Variants in XPR1 observed in about 807,000 individuals in gnomAD.
XPR1 encodes the protein solute carrier family 53 member 1.
A neutral mutation model predicts 87.5 loss-of-function variants in XPR1; 28 were observed. The ratio of observed to expected loss-of-function variants is 0.32; its 90% CI spans 0.24 to 0.44. XPR1 has a LOEUF of 0.44. XPR1 is among the 20% of genes least tolerant of loss of function. XPR1 has a pLI of 1.00. For synonymous variants in XPR1, 300 were observed against 306.1 expected, an observed-to-expected ratio of 0.98 and a Z score of 0.21; for missense variants, 559 against 862.3, an observed-to-expected ratio of 0.65 and a Z score of 4.41.
intron 2 of XPR1, among the ~76,000 whole-genome samples, chr1:180,686,204 T>A (rs1656771178): frequency 6.6e-6 from 1 of 152,214 alleles, no homozygotes; most frequent in South Asian, 2.1e-4. Flanking sequence ...TCTCGCTGGT[T>A]TCAAAGAACA....
At chr1:180,853,923 A>C (rs1344517849) in intron 11 of XPR1, among the ~76,000 whole-genome samples, 2 of 151,698 alleles carry the variant, frequency 1.3e-5, no homozygotes, top group East Asian at 3.9e-4. Context: ...AAACAGCTAT[A>C]GGAATCATTA....
Position 180,863,886 on chromosome 1 carries a change from G to T in XPR1, c.1668+12G>T, listed in dbSNP as rs1300896941. The T allele has an allele frequency of 6.4e-7, 1 of 1,565,422 alleles. No homozygotes were observed. The highest frequency in any genetic ancestry group is 1.4e-5 in the African/African-American group (1 of 73,088). On this transcript the variant is annotated intron_variant, in intron 12 of 14. Transcript: ENST00000367590. ...TATACCCCCAAAAAGTATGTATAAA[G>T]AGTGTGTTTGTTTAAAAGAACAAAC...
chr1:180,848,322 A>G (rs956735645), intron 11 of XPR1, among the ~76,000 whole-genome samples: 9 of 152,032 alleles, frequency 5.9e-5, no homozygotes, highest in Non-Finnish European at 8.8e-5. Flanking sequence ...TCTCTCCCCT[A>G]TGCTTCCCAG....
intron 2 of XPR1, among the ~76,000 whole-genome samples, chr1:180,707,931 A>T (rs1278316523): frequency 6.6e-6 from 1 of 152,100 alleles, no homozygotes; most frequent in Non-Finnish European, 1.5e-5. Flanking sequence ...TGATGTGAGG[A>T]TGATGGCAGT....
At chr1:180,817,011 C>T (rs936703136) in intron 7 of XPR1, among the ~76,000 whole-genome samples, 1 of 151,918 alleles carries the variant, frequency 6.6e-6, no homozygotes, top group Non-Finnish European at 1.5e-5. Context: ...AGGTGGAAGA[C>T]AGTGATATTG....
At chr1:180,680,643 G>A (rs1348650302) in intron 1 of XPR1, among the ~76,000 whole-genome samples, 1 of 152,132 alleles carries the variant, frequency 6.6e-6, no homozygotes, top group Admixed American at 6.5e-5. Context: ...GATTGCAGGC[G>A]TGAGCACTGC....
chr1:180,708,415 C>T (rs1287599578), intron 2 of XPR1, among the ~76,000 whole-genome samples: 3 of 152,060 alleles, frequency 2.0e-5, no homozygotes, highest in African/African-American at 4.8e-5. Flanking sequence ...ACATTATGAA[C>T]GTACTTAATG....
At chr1:180,777,494 C>T (rs1023442773) in intron 2 of XPR1, among the ~76,000 whole-genome samples, 6 of 152,128 alleles carry the variant, frequency 3.9e-5, no homozygotes, top group East Asian at 1.9e-4. Context: ...TTTTGCTTAT[C>T]GCTGTATCCC....
At chr1:180,778,771 G>A (rs953667896) in intron 2 of XPR1, among the ~76,000 whole-genome samples, 1 of 152,102 alleles carries the variant, frequency 6.6e-6, no homozygotes, top group Non-Finnish European at 1.5e-5. Flanking sequence ...TTTATTTGAG[G>A]ATAGAATATT....
chr1:180,797,197 T>C (rs1649616531), intron 3 of XPR1, among the ~76,000 whole-genome samples: 1 of 152,190 alleles, frequency 6.6e-6, no homozygotes, highest in Non-Finnish European at 1.5e-5. Context: ...TTAAAATAAA[T>C]TTTCATTATA....
At chr1:180,690,937 T>C (rs1023164530) in intron 2 of XPR1, among the ~76,000 whole-genome samples, 2 of 151,864 alleles carry the variant, frequency 1.3e-5, no homozygotes, top group African/African-American at 4.8e-5. Flanking sequence ...TTTTAAAAAT[T>C]TTTCAAATTC....
rs181703694 is a variant in XPR1 at position 180,825,577 on chromosome 1, G to A, written c.1134+233G>A. Among the ~76,000 whole-genome samples the A allele has an allele frequency of 3.0e-3, 459 of 152,156 alleles. 4 individuals are homozygous for A. Among genetic ancestry groups the A allele is most frequent in the Middle Eastern group, 0.027 (8 of 294 alleles). ...GTAAATTATAAACATTTTTTACTTC[G>A]TTTAACTAGCTGTGATAAGATGTAG... On this transcript the variant is annotated intron_variant, in intron 9 of 14. Coordinates refer to ENST00000367590, the MANE Select transcript of XPR1 (RefSeq NM_004736.4).
intron 1 of XPR1, among the ~76,000 whole-genome samples, chr1:180,646,261 C>T (rs574934882): frequency 2.0e-5 from 3 of 152,202 alleles, no homozygotes; most frequent in Non-Finnish European, 2.9e-5. Context: ...GCAGCAGACA[C>T]GATCAACTCT....
chr1:180,804,818 T>G (rs1221402028), intron 4 of XPR1, among the ~76,000 whole-genome samples: 2 of 152,162 alleles, frequency 1.3e-5, no homozygotes, highest in Non-Finnish European at 2.9e-5. Flanking sequence ...TAAATTCCTT[T>G]GCTTTGAGAT....
At chr1:180,849,143 G>T (rs1027148953) in intron 11 of XPR1, among the ~76,000 whole-genome samples, 2 of 152,098 alleles carry the variant, frequency 1.3e-5, no homozygotes, top group Admixed American at 1.3e-4. Context: ...ACTTTCTAAG[G>T]CCCCTTTAGC....
chr1:180,639,500 A>T (rs1654898158), intron 1 of XPR1, among the ~76,000 whole-genome samples: 1 of 152,204 alleles, frequency 6.6e-6, no homozygotes, highest in Non-Finnish European at 1.5e-5. Context: ...AAATCCTAAA[A>T]TCCAGTTCTA....
chr1:180,639,703 T>C (rs1654905708), intron 1 of XPR1, among the ~76,000 whole-genome samples: 1 of 152,202 alleles, frequency 6.6e-6, no homozygotes, highest in Non-Finnish European at 1.5e-5. Context: ...GAGTAGTGGC[T>C]CTCAAACTTT....
chr1:180,797,096 C>A (rs955764405), intron 3 of XPR1, among the ~76,000 whole-genome samples: 1 of 152,086 alleles, frequency 6.6e-6, no homozygotes. Context: ...ATGATGATTG[C>A]ACAACTCTAT....
chr1:180,828,714 C>G (rs1285600554), intron 9 of XPR1, among the ~76,000 whole-genome samples: 1 of 152,076 alleles, frequency 6.6e-6, no homozygotes, highest in Admixed American at 6.5e-5. Flanking sequence ...ATGAAGAAAC[C>G]TACATTCAGA....
Sources: allele counts gnomAD v4.1 joint callset (sites outside exome capture counted in the v4.1 genomes callset), GRCh38; gene constraint gnomAD v4.1.1; transcripts MANE v1.5; gene names NCBI Gene and HGNC (gene_info 2026-07-23, HGNC 2026-07-21).